Variants in MAF observed in about 807,000 individuals in gnomAD.
The protein encoded by MAF is transcription factor Maf.
A neutral mutation model predicts 22.0 loss-of-function variants in MAF; 10 were observed. That is an observed-to-expected ratio of 0.45 (90% CI 0.28 to 0.77). MAF has a LOEUF of 0.77. Ranked by LOEUF, MAF falls within the 30% of genes least tolerant of loss-of-function variation. MAF has a pLI of 0.12. For missense variants in MAF, 544 were observed against 548.4 expected, an observed-to-expected ratio of 0.99 and a Z score of 0.08; for synonymous variants, 337 against 255.8, an observed-to-expected ratio of 1.32 and a Z score of -3.03.
At chr16:79,369,044 T>C in the MAF span, among the ~76,000 whole-genome samples, 3 of 152,212 alleles carry the variant, frequency 2.0e-5, no homozygotes, top group Non-Finnish European at 4.4e-5. Flanking sequence ...GGTCAGCTCT[T>C]AGAACAGTGT....
intron 1 of MAF, 41 bp downstream of exon 1, chr16:79,598,744 A>C: frequency 6.2e-7 from 1 of 1,613,224 alleles, no homozygotes; most frequent in East Asian, 2.2e-5. Flanking sequence ...CCCGCGGAGC[A>C]CTTATCAGGG....
the MAF span, among the ~76,000 whole-genome samples, chr16:79,299,347 G>GAAAAAAAAAAAAAAAGAAAAAA: frequency 1.2e-5 from 1 of 86,830 alleles, no homozygotes; most frequent in Non-Finnish European, 2.5e-5. Flanking sequence ...CAAAGAAAAA[G>GAAAAAAAAAAAAAAAGAAAAAA]AAAAAAAAAA....
At chr16:79,429,339 G>C in the MAF span, among the ~76,000 whole-genome samples, 5 of 152,288 alleles carry the variant, frequency 3.3e-5, no homozygotes, top group Non-Finnish European at 7.3e-5. Context: ...ACACAAAGCA[G>C]AGGACCGACG....
the MAF span, among the ~76,000 whole-genome samples, chr16:79,484,341 C>A: frequency 6.6e-6 from 1 of 152,186 alleles, no homozygotes; most frequent in Non-Finnish European, 1.5e-5. Flanking sequence ...CACTACCTCC[C>A]CACCCAGGAA....
At chr16:79,213,284 G>C in the MAF span, among the ~76,000 whole-genome samples, 1 of 148,586 alleles carries the variant, frequency 6.7e-6, no homozygotes, top group African/African-American at 2.6e-5. Context: ...TGCATCTGTG[G>C]TGCAGAGCAG....
At chr16:79,270,082 G>A in the MAF span, among the ~76,000 whole-genome samples, 1 of 151,912 alleles carries the variant, frequency 6.6e-6, no homozygotes, top group South Asian at 2.1e-4. Flanking sequence ...AAGTCTCCTA[G>A]CTACCTCTTC....
At chr16:79,556,422 G>T in the MAF span, among the ~76,000 whole-genome samples, 1 of 152,198 alleles carries the variant, frequency 6.6e-6, no homozygotes, top group Non-Finnish European at 1.5e-5. Context: ...TGTAGAAAGA[G>T]AGTTGTATTG....
At chr16:79,397,934 T>C in the MAF span, among the ~76,000 whole-genome samples, 3 of 152,240 alleles carry the variant, frequency 2.0e-5, no homozygotes, top group African/African-American at 4.8e-5. Context: ...TTTCTATTGC[T>C]GCTGTGATAA....
the MAF span, among the ~76,000 whole-genome samples, chr16:79,388,791 T>A: frequency 6.6e-6 from 1 of 152,234 alleles, no homozygotes; most frequent in African/African-American, 2.4e-5. Flanking sequence ...GCCTTTTTTA[T>A]ATATGTTCTC....
the MAF span, among the ~76,000 whole-genome samples, chr16:79,236,382 C>G: frequency 2.0e-5 from 3 of 152,002 alleles, no homozygotes; most frequent in African/African-American, 7.2e-5. Flanking sequence ...CCTCCAAGAG[C>G]CACATCCTGG....
rs1913771587 is a variant in MAF, at chr16:79,598,886, G to C, written c.1017C>G (p.Arg339=). The C allele has an allele frequency of 3.1e-6, 5 of 1,613,594 alleles. No homozygotes were observed. The South Asian group carries it at 3.3e-5, about 11-fold the overall frequency. ...ATTTCTCCTTGTACGCGTCCCTCTC[G>C]CGCACCAGCCTGGAGATCTCCTGCT... ...HLKQEISRLV[R]ERDAYKEKYE... is the part of the protein sequence containing the mutation. Residue 339 remains arginine, a synonymous_variant, in exon 1 of 2, where the codon CGC becomes CGG. Coordinates refer to ENST00000326043, the MANE Select transcript of MAF (RefSeq NM_005360.5).
chr16:79,287,093 G>A, the MAF span, among the ~76,000 whole-genome samples: 1 of 148,970 alleles, frequency 6.7e-6, no homozygotes, highest in Admixed American at 6.7e-5. Context: ...AATCAGCTTT[G>A]TTGTCCTCCA....
the MAF span, among the ~76,000 whole-genome samples, chr16:79,429,945 A>G: frequency 6.6e-6 from 1 of 152,114 alleles, no homozygotes; most frequent in African/African-American, 2.4e-5. Flanking sequence ...GAGCAAAGAG[A>G]GGAAAAAGGG....
chr16:79,271,439 T>C, the MAF span, among the ~76,000 whole-genome samples: 1 of 152,302 alleles, frequency 6.6e-6, no homozygotes, highest in South Asian at 2.1e-4. Flanking sequence ...AGGCAAGTCA[T>C]GTAAAACTTT....
the MAF span, among the ~76,000 whole-genome samples, chr16:79,388,944 T>C: frequency 5.9e-5 from 9 of 152,376 alleles, no homozygotes; most frequent in Admixed American, 2.0e-4. Flanking sequence ...TGATTGAGAC[T>C]GGTTTTATTA....
chr16:79,449,401 T>C, the MAF span, among the ~76,000 whole-genome samples: 1 of 152,186 alleles, frequency 6.6e-6, no homozygotes, highest in Admixed American at 6.5e-5. Flanking sequence ...TTAATTACTG[T>C]ATTTGCTTTA....
the MAF span, among the ~76,000 whole-genome samples, chr16:79,528,061 G>A: frequency 6.6e-6 from 1 of 152,176 alleles, no homozygotes; most frequent in African/African-American, 2.4e-5. Flanking sequence ...AGAATCACTT[G>A]AACCTGGGAG....
chr16:79,354,015 G>C, the MAF span, among the ~76,000 whole-genome samples: 1 of 151,952 alleles, frequency 6.6e-6, no homozygotes, highest in African/African-American at 2.4e-5. Flanking sequence ...AAATTTTTGA[G>C]ACAGAATCTC....
At chr16:79,574,372 T>C in the MAF span, among the ~76,000 whole-genome samples, 3 of 152,218 alleles carry the variant, frequency 2.0e-5, no homozygotes, top group Non-Finnish European at 2.9e-5. Flanking sequence ...CAGAAGTCTG[T>C]GCAAATAATT....
Sources: gnomAD v4.1 joint callset for allele counts (sites outside exome capture counted in the v4.1 genomes callset) on GRCh38, gnomAD v4.1.1 for gene constraint, MANE v1.5 for transcripts, NCBI Gene and HGNC (gene_info 2026-07-23, HGNC 2026-07-21) for gene names.